The following ENTREP2 variants were observed in gnomAD, a reference collection of about 807,000 sequenced individuals.
The protein encoded by ENTREP2 is protein ENTREP2.
At chr15:29,554,464 T>C in the ENTREP2 span, among the ~76,000 whole-genome samples, 3 of 152,098 alleles carry the variant, frequency 2.0e-5, no homozygotes, top group African/African-American at 7.2e-5. Context: ...GGATTGGCCC[T>C]ATCACATTTA....
At chr15:29,246,979 A>T in the ENTREP2 span, among the ~76,000 whole-genome samples, 1 of 135,530 alleles carries the variant, frequency 7.4e-6, no homozygotes, top group African/African-American at 3.7e-5. Flanking sequence ...AAAGGCACAC[A>T]CACACACACA....
At chr15:29,370,305 A>G in the ENTREP2 span, among the ~76,000 whole-genome samples, 1 of 152,220 alleles carries the variant, frequency 6.6e-6, no homozygotes, top group Non-Finnish European at 1.5e-5. Context: ...TGCTAACCAA[A>G]AGAAGTTTGA....
chr15:29,659,735 C>T, the ENTREP2 span, among the ~76,000 whole-genome samples: 1 of 152,040 alleles, frequency 6.6e-6, no homozygotes, highest in Non-Finnish European at 1.5e-5. Flanking sequence ...GTCCATATTA[C>T]AGCATGTGTA....
the ENTREP2 span, among the ~76,000 whole-genome samples, chr15:29,541,268 T>C: frequency 6.6e-6 from 1 of 152,106 alleles, no homozygotes; most frequent in Admixed American, 6.6e-5. Context: ...TTTCAACTCA[T>C]CTCATCTGTT....
the ENTREP2 span, among the ~76,000 whole-genome samples, chr15:29,240,660 G>GT: frequency 6.6e-6 from 1 of 152,108 alleles, no homozygotes; most frequent in Non-Finnish European, 1.5e-5. Context: ...AAATTACCCA[G>GT]TCTGTGGTAT....
At chr15:29,640,061 G>A in the ENTREP2 span, among the ~76,000 whole-genome samples, 1 of 152,144 alleles carries the variant, frequency 6.6e-6, no homozygotes, top group Non-Finnish European at 1.5e-5. Context: ...GAGCCACCAC[G>A]CCCAGCCAGA....
At chr15:29,478,944 C>T in the ENTREP2 span, among the ~76,000 whole-genome samples, 1 of 149,596 alleles carries the variant, frequency 6.7e-6, no homozygotes, top group Admixed American at 6.7e-5. Flanking sequence ...CCTGTAATCC[C>T]AGCACTTTGG....
the ENTREP2 span, among the ~76,000 whole-genome samples, chr15:29,215,325 G>C: frequency 6.6e-6 from 1 of 151,988 alleles, no homozygotes; most frequent in Non-Finnish European, 1.5e-5. Context: ...CCCTCAACCT[G>C]GGTGGGAACA....
At chr15:29,424,222 A>G in the ENTREP2 span, among the ~76,000 whole-genome samples, 1 of 152,134 alleles carries the variant, frequency 6.6e-6, no homozygotes, top group Non-Finnish European at 1.5e-5. Flanking sequence ...CAAAAATACA[A>G]AACCTCTGCA....
the ENTREP2 span, among the ~76,000 whole-genome samples, chr15:29,657,493 G>A: frequency 1.5e-5 from 2 of 135,874 alleles, no homozygotes; most frequent in Non-Finnish European, 1.6e-5. Flanking sequence ...CGGGGGGGGG[G>A]GGTGGCCAGC....
the ENTREP2 span, among the ~76,000 whole-genome samples, chr15:29,220,315 G>A: frequency 6.6e-6 from 1 of 152,180 alleles, no homozygotes; most frequent in South Asian, 2.1e-4. Context: ...TTCCTATTAG[G>A]TCTGTTATGA....
At chr15:29,229,879 T>G in the ENTREP2 span, among the ~76,000 whole-genome samples, 1 of 152,130 alleles carries the variant, frequency 6.6e-6, no homozygotes, top group African/African-American at 2.4e-5. Context: ...CAGACCACTT[T>G]GGTGACTTCC....
At chr15:29,653,625 C>A in the ENTREP2 span, among the ~76,000 whole-genome samples, 3 of 152,190 alleles carry the variant, frequency 2.0e-5, no homozygotes, top group Non-Finnish European at 4.4e-5. Flanking sequence ...AAGAAGGTGC[C>A]TTGCTTCCCC....
chr15:29,570,716 G>A, the ENTREP2 span: 4 of 1,050,310 alleles, frequency 3.8e-6, no homozygotes, highest in Non-Finnish European at 4.6e-6. Flanking sequence ...GCCGCCGGCC[G>A]GAGGCATCGC....
At chr15:29,439,827 G>A in the ENTREP2 span, among the ~76,000 whole-genome samples, 1 of 152,186 alleles carries the variant, frequency 6.6e-6, no homozygotes, top group Non-Finnish European at 1.5e-5. Context: ...GAGTAAGGGA[G>A]GGGAAAGATG....
the ENTREP2 span, among the ~76,000 whole-genome samples, chr15:29,289,041 CA>C: frequency 6.6e-6 from 1 of 151,680 alleles, no homozygotes. Flanking sequence ...CCTGTCTCTA[CA>C]AAAAATTAGA....
the ENTREP2 span, among the ~76,000 whole-genome samples, chr15:29,639,385 T>C: frequency 6.6e-6 from 1 of 152,198 alleles, no homozygotes; most frequent in East Asian, 1.9e-4. Context: ...CTGCCGAAAG[T>C]TTGTGATTGA....
the ENTREP2 span, among the ~76,000 whole-genome samples, chr15:29,147,256 G>A: frequency 2.2e-4 from 34 of 152,258 alleles, no homozygotes; most frequent in Non-Finnish European, 4.0e-4. Flanking sequence ...ATTTCTGTAG[G>A]GAAAATATAC....
At chr15:29,586,525 T>C in the ENTREP2 span, among the ~76,000 whole-genome samples, 1 of 152,152 alleles carries the variant, frequency 6.6e-6, no homozygotes, top group African/African-American at 2.4e-5. Flanking sequence ...AAAAAGAAAG[T>C]ATAGGCTGGC....
Sources: allele counts gnomAD v4.1 joint callset (sites outside exome capture counted in the v4.1 genomes callset), GRCh38; gene constraint gnomAD v4.1.1; transcripts MANE v1.5; gene names NCBI Gene and HGNC (gene_info 2026-07-23, HGNC 2026-07-21).